Variants in ACOT11 observed in about 807,000 individuals in gnomAD.
ACOT11 encodes acyl-coenzyme A thioesterase 11.
In ACOT11, 69 loss-of-function variants were observed where a neutral mutation model predicts 77.5. The observed-to-expected ratio is 0.89, with a 90% CI of 0.73 to 1.09. The LOEUF is 1.09. Ranked by LOEUF, ACOT11 falls within the 50% of genes least tolerant of loss-of-function variation. The probability of loss-of-function intolerance (pLI) is 0.00; values close to 1 mark genes in which losing one functional copy is unlikely to be tolerated. For synonymous variants in ACOT11, 279 were observed against 313.0 expected, an observed-to-expected ratio of 0.89 and a Z score of 1.15; for missense variants, 766 against 813.7, an observed-to-expected ratio of 0.94 and a Z score of 0.71.
chr1:54,582,700 G>A (rs949345641), intron 1 of ACOT11, among the ~76,000 whole-genome samples: 5 of 152,132 alleles, frequency 3.3e-5, no homozygotes, highest in African/African-American at 9.7e-5. Context: ...TCTTGCCCTC[G>A]TCCTCGTGAG....
intron 1 of ACOT11, among the ~76,000 whole-genome samples, chr1:54,576,141 T>C (rs969271943): frequency 6.6e-6 from 1 of 150,904 alleles, no homozygotes; most frequent in African/African-American, 2.4e-5. Flanking sequence ...AGGGGTGGAG[T>C]CATGGGACAG....
chr1:54,601,931 C>T (rs958469481), intron 9 of ACOT11, among the ~76,000 whole-genome samples: 1 of 152,236 alleles, frequency 6.6e-6, no homozygotes, highest in Non-Finnish European at 1.5e-5. Flanking sequence ...GTGCAAGGTC[C>T]TCTCTTACAA....
intron 1 of ACOT11, among the ~76,000 whole-genome samples, chr1:54,582,172 A>G (rs1257513682): frequency 6.6e-6 from 1 of 152,170 alleles, no homozygotes; most frequent in Non-Finnish European, 1.5e-5. Flanking sequence ...TGGGTATGCA[A>G]ATCCCAGGCT....
intron 1 of ACOT11, among the ~76,000 whole-genome samples, chr1:54,581,236 A>G (rs1654293911): frequency 6.6e-6 from 1 of 152,198 alleles, no homozygotes; most frequent in Non-Finnish European, 1.5e-5. Context: ...GAGTTAGATC[A>G]GAGGCCTGTT....
intron 1 of ACOT11, chr1:54,582,461 G>A (rs2100976145): frequency 1.0e-6 from 1 of 985,370 alleles, no homozygotes; most frequent in African/African-American, 1.7e-5. Context: ...AGTGTTTGGT[G>A]AATGAACAAA....
chr1:54,616,554 T>A (rs1644175902), intron 15 of ACOT11, among the ~76,000 whole-genome samples: 1 of 151,958 alleles, frequency 6.6e-6, no homozygotes, highest in Non-Finnish European at 1.5e-5. Context: ...TTGTATTTAG[T>A]GGAGACGGGG....
intron 3 of ACOT11, among the ~76,000 whole-genome samples, chr1:54,588,171 T>C (rs1654573854): frequency 6.6e-6 from 1 of 151,954 alleles, no homozygotes; most frequent in Non-Finnish European, 1.5e-5. Flanking sequence ...ACCACTGCAC[T>C]CCAACCTGGG....
At chr1:54,601,124 T>C in intron 8 of ACOT11, 145 bp from the exon 9 acceptor site, 1 of 778,606 alleles carries the variant, frequency 1.3e-6, no homozygotes, top group Non-Finnish European at 1.9e-6. Flanking sequence ...TACATGTGTG[T>C]GTATGTGTGT....
intron 15 of ACOT11, among the ~76,000 whole-genome samples, chr1:54,616,641 G>A (rs529553377): frequency 1.8e-4 from 27 of 152,300 alleles, no homozygotes; most frequent in Non-Finnish European, 2.8e-4. Flanking sequence ...CCAAAGTGCT[G>A]GGATTACAGG....
chr1:54,596,527 G>GA (rs1229642872), intron 6 of ACOT11, among the ~76,000 whole-genome samples: 1 of 152,186 alleles, frequency 6.6e-6, no homozygotes, highest in Admixed American at 6.5e-5. Flanking sequence ...AGAAGGCAGG[G>GA]AAAAACCATC....
chr1:54,623,457 C>A (rs1644251173), intron 15 of ACOT11: 2 of 1,283,222 alleles, frequency 1.6e-6, no homozygotes, highest in Non-Finnish European at 1.1e-6. Context: ...AGGCTCCCTG[C>A]AGCTGGAATC....
rs532311602 is a variant in ACOT11, at chr1:54,587,196, A to G, written c.311+1292A>G. Reference sequence around the variant, plus strand: ...GAGGCAGATGTAGGAACGTCATTCAATTCGCAGTGAGAAGTTCTGTGCAAT... The same window carrying G: ...GAGGCAGATGTAGGAACGTCATTCAGTTCGCAGTGAGAAGTTCTGTGCAAT... On this transcript the variant is annotated intron_variant, in intron 3 of 15. Transcript: ENST00000343744. Among the ~76,000 whole-genome samples the G allele has an allele frequency of 3.9e-5, 6 of 152,232 alleles. No homozygotes were observed. In the South Asian group the frequency reaches 6.2e-4, roughly 16 times the overall value.
downstream of ACOT11, chr1:54,611,000 A>T (rs1178161577): frequency 1.0e-6 from 1 of 985,314 alleles, no homozygotes; most frequent in East Asian, 1.1e-4. Context: ...GGAGCTATGC[A>T]CCAAGGGAAA....
At chr1:54,587,947 G>T (rs1351040525) in intron 3 of ACOT11, among the ~76,000 whole-genome samples, 1 of 151,952 alleles carries the variant, frequency 6.6e-6, no homozygotes, top group Non-Finnish European at 1.5e-5. Flanking sequence ...GGGCGCAGTG[G>T]CTTGTGTCCA....
At chr1:54,574,153 C>G (rs1161802237) in intron 1 of ACOT11, among the ~76,000 whole-genome samples, 1 of 152,184 alleles carries the variant, frequency 6.6e-6, no homozygotes, top group African/African-American at 2.4e-5. Context: ...ACTGAGGAAG[C>G]TGAGTCCGGA....
intron 7 of ACOT11, 107 bp downstream of exon 7, chr1:54,597,522 T>G (rs1557661618): frequency 7.4e-7 from 1 of 1,359,242 alleles, no homozygotes. Context: ...CATTCAAGGC[T>G]TCAGAAGCTT....
chr1:54,573,179 G>A (rs771459583), intron 1 of ACOT11: 7 of 985,336 alleles, frequency 7.1e-6, no homozygotes, highest in African/African-American at 1.7e-5. Context: ...TGTCACAGAT[G>A]CCTGGGATGC....
intron 7 of ACOT11, among the ~76,000 whole-genome samples, 182 bp from the exon 8 acceptor site, chr1:54,599,114 C>T (rs1335657013): frequency 8.2e-6 from 1 of 122,188 alleles, no homozygotes; most frequent in African/African-American, 3.1e-5. Flanking sequence ...CCATTGCACT[C>T]CAGCCTGGGC....
intron 1 of ACOT11, among the ~76,000 whole-genome samples, chr1:54,579,800 C>G (rs1442391213): frequency 6.6e-6 from 1 of 152,194 alleles, no homozygotes; most frequent in Non-Finnish European, 1.5e-5. Flanking sequence ...AAGCCCTGCT[C>G]CATAATCACT....
Sources: gnomAD v4.1 joint callset for allele counts (sites outside exome capture counted in the v4.1 genomes callset) on GRCh38, gnomAD v4.1.1 for gene constraint, MANE v1.5 for transcripts, NCBI Gene and HGNC (gene_info 2026-07-23, HGNC 2026-07-21) for gene names.